FKBP6: variants seen among roughly 807,000 people sequenced by gnomAD.
FKBP6 encodes the protein FKBP prolyl isomerase family member 6 (inactive).
A neutral mutation model predicts 41.7 loss-of-function variants in FKBP6; 29 were observed. That is an observed-to-expected ratio of 0.70 (90% CI 0.52 to 0.95). The LOEUF (loss-of-function observed/expected upper bound fraction) is 0.95, where lower values mean the gene tolerates loss of function less well. Ranked by LOEUF, FKBP6 falls within the 40% of genes least tolerant of loss-of-function variation. FKBP6 has a pLI of 0.00. For missense variants in FKBP6, 338 were observed against 408.7 expected (o/e 0.83, Z 1.49); for synonymous variants, 130 against 165.1 (o/e 0.79, Z 1.63).
chr7:73,349,061 C>T (rs1226035112), intron 8 of FKBP6, among the ~76,000 whole-genome samples: 3 of 151,508 alleles, frequency 2.0e-5, no homozygotes, highest in Non-Finnish European at 4.4e-5. Context: ...ACCCAGATCA[C>T]GCCACTGCAC....
chr7:73,353,771 T>C (rs181050696), intron 8 of FKBP6, among the ~76,000 whole-genome samples: 2 of 152,048 alleles, frequency 1.3e-5, no homozygotes, highest in African/African-American at 4.8e-5. Flanking sequence ...TCTCGCTCTA[T>C]TGCCCAGCCT....
intron 8 of FKBP6, among the ~76,000 whole-genome samples, chr7:73,350,768 C>T (rs542191724): frequency 2.0e-5 from 3 of 152,222 alleles, no homozygotes; most frequent in East Asian, 1.9e-4. Context: ...AGGTGAGCCC[C>T]GGAGCAGCGG....
chr7:73,355,031 TTC>T (rs2115987781), intron 8 of FKBP6, among the ~76,000 whole-genome samples: 1 of 152,384 alleles, frequency 6.6e-6, no homozygotes, highest in South Asian at 2.1e-4. Context: ...CTCCTCTGTC[TTC>T]TCTGTTACAT....
intron 6 of FKBP6, 151 bp from the exon 7 acceptor site, chr7:73,341,122 C>T (rs1805168861): frequency 9.3e-6 from 7 of 754,342 alleles, no homozygotes; most frequent in Non-Finnish European, 1.7e-5. Context: ...TAGGGTTTTG[C>T]CGTGTTGGCC....
intron 8 of FKBP6, among the ~76,000 whole-genome samples, chr7:73,355,310 T>C (rs1484412728): frequency 1.3e-5 from 2 of 152,238 alleles, no homozygotes; most frequent in East Asian, 3.8e-4. Context: ...ACAGCTTTTT[T>C]CTGACTTTGC....
At chr7:73,331,976 G>T (rs1310235470) in intron 5 of FKBP6, among the ~76,000 whole-genome samples, 200 bp downstream of exon 5, 2 of 151,946 alleles carry the variant, frequency 1.3e-5, no homozygotes, top group Non-Finnish European at 2.9e-5. Flanking sequence ...CCATTCTCCT[G>T]CCTCAGCCTT....
chr7:73,335,926 G>T (rs1197086597), intron 5 of FKBP6, among the ~76,000 whole-genome samples: 1 of 152,192 alleles, frequency 6.6e-6, no homozygotes, highest in African/African-American at 2.4e-5. Context: ...TCTTTTCCTA[G>T]TGGAAAGTTT....
At chr7:73,335,330 A>T (rs1221642197) in intron 5 of FKBP6, among the ~76,000 whole-genome samples, 2 of 152,200 alleles carry the variant, frequency 1.3e-5, no homozygotes, top group African/African-American at 4.8e-5. Flanking sequence ...GGTCAAAGAC[A>T]GCCTGCACAC....
intron 3 of FKBP6, 64 bp from the exon 4 acceptor site, chr7:73,330,086 A>G (rs1265151480): frequency 1.6e-6 from 2 of 1,252,452 alleles, no homozygotes; most frequent in African/African-American, 3.0e-5. Context: ...GAGGGGGAAG[A>G]AACTGATAGC....
rs1554549406 is a variant in FKBP6, at chr7:73,340,897, A to G, written c.783+65A>G. Reference sequence around the variant, plus strand: ...AAAAGGTAGTAGCAGTGCTCAACTCAGCTACTGCAAAAATGCTGTCTTTTT... The same window carrying G: ...AAAAGGTAGTAGCAGTGCTCAACTCGGCTACTGCAAAAATGCTGTCTTTTT... On this transcript the variant is annotated intron_variant, in intron 6 of 8. Transcript: ENST00000252037. The G allele has an allele frequency of 5.1e-6, 5 of 983,658 alleles. No homozygotes were observed. The African/African-American group carries it at 8.1e-5, about 16-fold the overall frequency. 60.9% of individuals were successfully genotyped at this position (983,658 alleles called of 1,614,324 possible).
At chr7:73,328,830 ACGGGGTCTTGCTCAGTTG>A in intron 2 of FKBP6, 138 bp downstream of exon 2, 1 of 1,500,116 alleles carries the variant, frequency 6.7e-7, no homozygotes, top group East Asian at 2.3e-5. Context: ...TGTTTTTGAA[ACGGGGTCTTGCTCAGTTG>A]CCCAGGCTGG....
At chr7:73,352,618 G>A (rs185776270) in intron 8 of FKBP6, among the ~76,000 whole-genome samples, 4 of 152,212 alleles carry the variant, frequency 2.6e-5, no homozygotes, top group African/African-American at 9.6e-5. Context: ...GCTCCCCTAC[G>A]CTCCCAAGCA....
At chr7:73,353,907 T>C (rs1805559488) in intron 8 of FKBP6, among the ~76,000 whole-genome samples, 1 of 152,100 alleles carries the variant, frequency 6.6e-6, no homozygotes, top group Non-Finnish European at 1.5e-5. Context: ...CTTATTTTTG[T>C]TATTTTTAGT....
chr7:73,342,893 G>A lies in FKBP6; in HGVS notation c.980G>A (p.Ser327Asn). ...GGCGATGGTTCTACAGCAGGAGAAA[G>A]TTGAAGGTAATCAAAGGGCCAGGGT... Reference protein sequence around the residue: ...PCGDGSTAGES With the variant: ...PCGDGSTAGEN The change falls in exon 8 of 9, where the codon AGT (serine) becomes AAT (asparagine). Residue 327 changes from serine (S) to asparagine (N), a missense_variant. Ser to Asn is a conservative substitution (Grantham distance 46). This residue lies in a region of FKBP6 where 239 missense variants were observed against 250.1 expected (regional missense o/e 0.96). Transcript: ENST00000252037. The A allele has an allele frequency of 6.2e-7, 1 of 1,612,050 alleles. No homozygotes were observed. The highest frequency in any genetic ancestry group is 1.1e-5 in the South Asian group (1 of 91,054).
intron 5 of FKBP6, among the ~76,000 whole-genome samples, chr7:73,335,133 CAAAAAAA>C (rs10651287): frequency 2.5e-5 from 2 of 79,392 alleles, no homozygotes; most frequent in Non-Finnish European, 5.4e-5. Flanking sequence ...TGTTCCTGGC[CAAAAAAA>C]AAAAAAAAAA....
At chr7:73,329,547 T>G in intron 3 of FKBP6, 98 bp downstream of exon 3, 1 of 827,590 alleles carries the variant, frequency 1.2e-6, no homozygotes, top group Non-Finnish European at 2.2e-6. Context: ...CGCAGGTTCT[T>G]TGAGTTGGCT....
At chr7:73,341,632 TA>T (rs1563317976) in intron 7 of FKBP6, among the ~76,000 whole-genome samples, 2 of 149,308 alleles carry the variant, frequency 1.3e-5, no homozygotes, top group African/African-American at 4.9e-5. Flanking sequence ...CTACCGCAAA[TA>T]AACAACCCCT....
chr7:73,341,291 G>A lies in FKBP6; in HGVS notation c.802G>A (p.Glu268Lys). The A allele has an allele frequency of 1.2e-6, 2 of 1,611,702 alleles. No homozygotes were observed. The highest frequency in any genetic ancestry group is 2.2e-5 in the South Asian group (2 of 91,034). ...RCGQACLLLT[E>K]YQKARDFLVR... is the part of the protein sequence containing the mutation. ...GGGACAGGCTTGTCTTCTCCTGACT[G>A]AGTATCAAAAGGCCCGGGATTTTCT... Residue 268 changes from glutamate to lysine, a missense_variant, in exon 7 of 9, where the codon GAG becomes AAG. Around this residue, in one of 2 missense-constraint regions of FKBP6, gnomAD observed 239 missense variants for 250.1 expected, o/e 0.96. Transcript: ENST00000252037.
intron 8 of FKBP6, among the ~76,000 whole-genome samples, chr7:73,352,507 T>C (rs1410716788): frequency 6.6e-6 from 1 of 152,186 alleles, no homozygotes; most frequent in Non-Finnish European, 1.5e-5. Flanking sequence ...AGGGAGAGCA[T>C]GAGTCCCCGC....
Sources: gnomAD v4.1 joint callset for allele counts (sites outside exome capture counted in the v4.1 genomes callset) on GRCh38, gnomAD v4.1.1 for gene constraint, gnomAD v4.1.1 regional missense constraint, MANE v1.5 for transcripts, NCBI Gene and HGNC (gene_info 2026-07-23, HGNC 2026-07-21) for gene names.